Variants in MARK1 observed in about 807,000 individuals in gnomAD.
MARK1 encodes the protein serine/threonine-protein kinase MARK1.
MARK1 carries 40 observed loss-of-function variants against 96.3 expected under a neutral mutation model. That is an observed-to-expected ratio of 0.42 (90% CI 0.32 to 0.54). The LOEUF (loss-of-function observed/expected upper bound fraction) is 0.54, where lower values mean the gene tolerates loss of function less well. Ranked by LOEUF, MARK1 falls within the 20% of genes least tolerant of loss-of-function variation. The probability of loss-of-function intolerance (pLI) is 0.16; values close to 1 mark genes in which losing one functional copy is unlikely to be tolerated. For synonymous variants in MARK1, 317 were observed against 341.2 expected, an observed-to-expected ratio of 0.93 and a Z score of 0.78; for missense variants, 719 against 984.6, an observed-to-expected ratio of 0.73 and a Z score of 3.61.
At chr1:220,554,111 C>T (rs1239050177) in intron 1 of MARK1, among the ~76,000 whole-genome samples, 1 of 152,206 alleles carries the variant, frequency 6.6e-6, no homozygotes, top group Non-Finnish European at 1.5e-5. Context: ...ATGTCCCAGA[C>T]CACTAGACTC....
chr1:220,635,386 G>A lies in MARK1; in HGVS notation c.1133G>A (p.Gly378Asp), dbSNP rs1211007798. ...TTTTTCTTCTTATAGTTTGAAGGTG[G>A]TGAATCGTTATCCAGTGGAAACTTG... ...LGRKPPEFEG[G>D]ESLSSGNLCQ... Residue 378 changes from glycine to aspartate, a missense_variant, in exon 12 of 18, where the codon GGT (glycine) becomes GAT (aspartate). Physicochemically the swap from Gly to Asp is moderately conservative, Grantham distance 94. This residue lies in a region of MARK1 where 501 missense variants were observed against 588.3 expected (regional missense o/e 0.85). Transcript: ENST00000366917. The A allele has an allele frequency of 1.9e-6, 3 of 1,596,370 alleles. No individual in the cohort carries two copies. In the Admixed American group the frequency reaches 5.5e-5, roughly 29 times the overall value.
At chr1:220,602,951 TACAA>T (rs1665839818) in intron 5 of MARK1, among the ~76,000 whole-genome samples, 1 of 152,058 alleles carries the variant, frequency 6.6e-6, no homozygotes, top group Admixed American at 6.6e-5. Flanking sequence ...ATTTAATCCT[TACAA>T]CAACCATGTG....
At chr1:220,560,072 G>A (rs1002873486) in intron 1 of MARK1, among the ~76,000 whole-genome samples, 2 of 152,102 alleles carry the variant, frequency 1.3e-5, no homozygotes, top group African/African-American at 4.8e-5. Context: ...TTACATGGCG[G>A]CAGGCAATAG....
intron 5 of MARK1, among the ~76,000 whole-genome samples, chr1:220,603,171 T>G (rs1180956920): frequency 6.6e-6 from 1 of 152,036 alleles, no homozygotes; most frequent in Non-Finnish European, 1.5e-5. Flanking sequence ...TGTATATCTA[T>G]CTGGTACAAA....
chr1:220,590,580 TATGA>T (rs1204932842), intron 3 of MARK1, among the ~76,000 whole-genome samples: 1 of 152,210 alleles, frequency 6.6e-6, no homozygotes, highest in Non-Finnish European at 1.5e-5. Flanking sequence ...GGATTCAACA[TATGA>T]ATTTAGGGGG....
intron 3 of MARK1, among the ~76,000 whole-genome samples, chr1:220,582,062 C>T (rs964446262): frequency 6.6e-6 from 1 of 152,104 alleles, no homozygotes; most frequent in Non-Finnish European, 1.5e-5. Context: ...TGTGTGCTTA[C>T]ATCTGCTATG....
At chr1:220,601,298 C>CT (rs5781182) in intron 5 of MARK1, among the ~76,000 whole-genome samples, 36,921 of 134,602 alleles carry the variant, frequency 0.27, 5,601 homozygotes, top group Middle Eastern at 0.49. Flanking sequence ...ATATTTTAGT[C>CT]TTTTTTTTTT....
At position 220,631,101 on chromosome 1, in the gene MARK1, C is replaced by A. The variant is rs947982869; in HGVS notation, c.976C>A (p.Pro326Thr). Residue 326 changes from proline (P) to threonine (T), a missense_variant, in exon 10 of 18, where the codon CCT becomes ACT. Coordinates refer to ENST00000366917, the MANE Select transcript of MARK1 (RefSeq NM_018650.5). ...GGAAGAACTAAAGCCATATACTGAG[C>A]CTGATCCGGATTTCAATGACACAAA... is the stretch of plus-strand genomic sequence containing the variant. ...EEEELKPYTE[P>T]DPDFNDTKRI... 3.1e-6 allele frequency: 5 copies of A among 1,612,498 alleles called. No homozygotes were observed. Among genetic ancestry groups the A allele is most frequent in the Non-Finnish European group, 4.2e-6 (5 of 1,178,878 alleles).
chr1:220,556,046 A>G lies in MARK1; in HGVS notation c.52-23308A>G, dbSNP rs189503518. ...GCCAGAATGGTAAGCACAAGCTGAC[A>G]TAATGGCATTCCTCAGGGCTTTTTG... On this transcript the variant is annotated intron_variant, in intron 1 of 17. Coordinates refer to ENST00000366917, the MANE Select transcript of MARK1 (RefSeq NM_018650.5). Among the ~76,000 whole-genome samples, 4 of 152,360 alleles carry G rather than the reference A, an allele frequency of 2.6e-5. No homozygotes were observed. The East Asian group carries it at 7.7e-4, about 29-fold the overall frequency.
At chr1:220,556,306 C>T (rs542489822) in intron 1 of MARK1, among the ~76,000 whole-genome samples, 1 of 152,126 alleles carries the variant, frequency 6.6e-6, no homozygotes, top group East Asian at 1.9e-4. Context: ...CGGGGAGACA[C>T]TTAAACTTAA....
At chr1:220,586,021 G>GCA (rs1664599609) in intron 3 of MARK1, among the ~76,000 whole-genome samples, 1 of 132,026 alleles carries the variant, frequency 7.6e-6, no homozygotes, top group South Asian at 2.5e-4. Context: ...ACGCGCGCGT[G>GCA]CGCAGAGAGA....
chr1:220,636,025 G>A lies in MARK1; in HGVS notation c.1469G>A (p.Ser490Asn), dbSNP rs765523295. Reference protein sequence around the residue: ...PERKKSSTIPSNNVYSGGSMA... With the variant: ...PERKKSSTIPNNNVYSGGSMA... ...AGGAAAAAATCTTCAACTATTCCAA[G>A]TGTGAGTAAATACTCTGGTATATTG... Residue 490 changes from serine to asparagine, a missense_variant and splice_region_variant, in exon 13 of 18, where the codon AGT becomes AAT. Physicochemically the swap from Ser to Asn is conservative, Grantham distance 46. Coordinates refer to ENST00000366917, the MANE Select transcript of MARK1 (RefSeq NM_018650.5). 7 of 1,605,958 alleles carry A rather than the reference G, an allele frequency of 4.4e-6. No individual in the cohort carries two copies. Among genetic ancestry groups the A allele is most frequent in the East Asian group, 2.2e-5 (1 of 44,626 alleles).
chr1:220,653,534 G>C (rs1400011357), intron 16 of MARK1, among the ~76,000 whole-genome samples, 182 bp downstream of exon 16: 4 of 151,992 alleles, frequency 2.6e-5, no homozygotes, highest in Non-Finnish European at 1.5e-5. Context: ...CCTTAAGAGA[G>C]AGAAAGGAAA....
At chr1:220,612,583 G>A (rs1301780288) in intron 6 of MARK1, among the ~76,000 whole-genome samples, 1 of 151,878 alleles carries the variant, frequency 6.6e-6, no homozygotes, top group Non-Finnish European at 1.5e-5. Flanking sequence ...ACAAACCAGA[G>A]ATATGTAAAC....
intron 17 of MARK1, among the ~76,000 whole-genome samples, chr1:220,658,607 A>G (rs1468755151): frequency 1.3e-5 from 2 of 152,236 alleles, no homozygotes; most frequent in African/African-American, 4.8e-5. Flanking sequence ...AAGGGATGCA[A>G]TGTAAATTTT....
At chr1:220,616,711 T>C (rs1666772895) in intron 7 of MARK1, among the ~76,000 whole-genome samples, 1 of 152,194 alleles carries the variant, frequency 6.6e-6, no homozygotes, top group Non-Finnish European at 1.5e-5. Flanking sequence ...TAATTCTGTA[T>C]TTTAGCTTCA....
intron 17 of MARK1, among the ~76,000 whole-genome samples, chr1:220,659,263 G>A (rs1669334965): frequency 6.6e-6 from 1 of 152,028 alleles, no homozygotes; most frequent in East Asian, 1.9e-4. Context: ...CAACAACTAG[G>A]TGAAAATGCC....
At position 220,661,817 on chromosome 1, in the gene MARK1, C is replaced by T. The variant is rs755502568; in HGVS notation, c.2039C>T (p.Thr680Ile). The change falls in exon 18 of 18, where the codon ACA (threonine) becomes ATA (isoleucine). Residue 680 changes from threonine to isoleucine, a missense_variant. Thr to Ile is a moderately conservative substitution (Grantham distance 89). This residue lies in a region of MARK1 where 501 missense variants were observed against 588.3 expected (regional missense o/e 0.85). Transcript: ENST00000366917. ...CCTTTGCCCTCTTGTTCCAGAAGTA[C>T]ATCAGGGGAACCAAAAGAAAGAGAC... ...ASGRTDTSRS[T>I]SGEPKERDKE... 1.2e-5 allele frequency: 20 copies of T among 1,603,770 alleles called. No individual in the cohort carries two copies. In the South Asian group the frequency reaches 2.2e-4, roughly 18 times the overall value.
intron 3 of MARK1, among the ~76,000 whole-genome samples, chr1:220,585,411 C>T (rs1229100898): frequency 6.6e-6 from 1 of 152,078 alleles, no homozygotes; most frequent in Non-Finnish European, 1.5e-5. Flanking sequence ...GCTAAAATAT[C>T]AACAGTTTAA....
Sources: allele counts gnomAD v4.1 joint callset (sites outside exome capture counted in the v4.1 genomes callset), GRCh38; gene constraint gnomAD v4.1.1; regional missense constraint gnomAD v4.1.1; transcripts MANE v1.5; gene names NCBI Gene and HGNC (gene_info 2026-07-23, HGNC 2026-07-21).